PGR: variants seen among roughly 807,000 people sequenced by gnomAD.
PGR encodes the protein nuclear receptor subfamily 3 group C member 3.
PGR carries 25 observed loss-of-function variants against 76.1 expected under a neutral mutation model. The ratio of observed to expected loss-of-function variants is 0.33; its 90% CI spans 0.24 to 0.46. The LOEUF is 0.46. PGR is among the 20% of genes least tolerant of loss of function. The probability of loss-of-function intolerance (pLI) is 1.00; values close to 1 mark genes in which losing one functional copy is unlikely to be tolerated. For missense variants in PGR, 1,172 were observed against 1,225.3 expected, an observed-to-expected ratio of 0.96 and a Z score of 0.65; for synonymous variants, 579 against 535.0, an observed-to-expected ratio of 1.08 and a Z score of -1.14.
At chr11:101,050,158 T>C in intron 5 of PGR, 99 bp from the exon 6 acceptor site, 1 of 1,165,746 alleles carries the variant, frequency 8.6e-7, no homozygotes, top group Non-Finnish European at 1.2e-6. Flanking sequence ...TTTTGGTAAT[T>C]ACCTTACATA....
Position 101,128,234 on chromosome 11 carries a change from C to T in PGR, c.837G>A (p.Arg279=). 1 of 1,596,860 alleles carries T rather than the reference C, an allele frequency of 6.3e-7. No individual in the cohort carries two copies. The highest frequency in any genetic ancestry group is 8.5e-7 in the Non-Finnish European group (1 of 1,178,536). Residue 279 remains arginine (R), a synonymous_variant, in exon 1 of 8, where the codon AGG becomes AGA. Coordinates refer to ENST00000325455, the MANE Select transcript of PGR (RefSeq NM_000926.4). ...PKEDSRFSAP[R]VALVEQDAPM... is the part of the protein sequence containing the mutation. ...GCGCGTCCTGCTCCACCAGGGCGAC[C>T]CTGGGCGCTGAGAAGCGGGAATCTT...
Position 101,039,878 on chromosome 11 carries a change from C to G in PGR, c.2647-607G>C, listed in dbSNP as rs374331771. Among the ~76,000 whole-genome samples the G allele has an allele frequency of 6.6e-5, 10 of 152,050 alleles. No homozygotes were observed. In the South Asian group the frequency reaches 2.1e-3, roughly 32 times the overall value. On this transcript the variant is annotated intron_variant, in intron 7 of 7. Coordinates refer to ENST00000325455, the MANE Select transcript of PGR (RefSeq NM_000926.4). ...CACAACTACCTTCAACTTTTTGTAG[C>G]CTGTGTCTTTTGATATTTCTATATT...
chr11:101,099,515 T>C (rs945117202), intron 2 of PGR, among the ~76,000 whole-genome samples: 1 of 152,130 alleles, frequency 6.6e-6, no homozygotes, highest in Non-Finnish European at 1.5e-5. Context: ...TCTACATCTT[T>C]GAGTGCTTTT....
intron 2 of PGR, among the ~76,000 whole-genome samples, chr11:101,112,823 T>G (rs1454943548): frequency 6.6e-6 from 1 of 152,188 alleles, no homozygotes; most frequent in Non-Finnish European, 1.5e-5. Flanking sequence ...AGATAATGAA[T>G]AAGAGGTAAT....
rs548903321 is a variant in PGR at position 101,031,356 on chromosome 11, T to A, written c.*7760A>T. 5.4e-5 allele frequency: 12 copies of A among 223,408 alleles called. 1 individual carries two copies. In the East Asian group the frequency reaches 7.8e-4, roughly 15 times the overall value. The allele number at this position is 223,408 out of a possible 1,614,324, so 13.8% of individuals were successfully genotyped here. A position where few individuals can be genotyped will look rare whatever the true frequency, so the allele number is the denominator to read the frequency against. ...AGAAACCTCCTTCCCACAGCTACCA[T>A]GTACATACAGTAAGCTTCTGCCTTC... On this transcript the variant is annotated 3_prime_UTR_variant, in exon 8 of 8. Transcript: ENST00000325455.
At chr11:101,098,039 G>C (rs1336561045) in intron 2 of PGR, among the ~76,000 whole-genome samples, 7 of 152,064 alleles carry the variant, frequency 4.6e-5, no homozygotes, top group Non-Finnish European at 2.9e-5. Context: ...GCCTCCTGAA[G>C]TGCTGAGATT....
Position 101,089,936 on chromosome 11 carries a change from C to T in PGR, c.1906+1824G>A, listed in dbSNP as rs1048663347. Among the ~76,000 whole-genome samples the T allele has an allele frequency of 9.9e-5, 15 of 152,144 alleles. No homozygotes were observed. The East Asian group carries it at 2.1e-3, about 22-fold the overall frequency. ...GCTAAAGGCCGGGTGCAGTGGCTCA[C>T]GCCTGTAATCCCAGCACTTTAGAAG... On this transcript the variant is annotated intron_variant, in intron 3 of 7. Transcript: ENST00000325455.
At chr11:101,054,413 T>C (rs1245770499) in intron 4 of PGR, among the ~76,000 whole-genome samples, 1 of 152,182 alleles carries the variant, frequency 6.6e-6, no homozygotes, top group African/African-American at 2.4e-5. Context: ...GTCTACATAA[T>C]AACTTTTTAA....
In PGR at chr11:101,035,482, T is replaced by G. The variant is rs1429548903; in HGVS notation, c.*3634A>C. The G allele has an allele frequency of 8.6e-6, 2 of 231,860 alleles. No individual in the cohort carries two copies. 14.4% of individuals were successfully genotyped at this position (231,860 alleles called of 1,614,324 possible). Reference sequence around the variant, plus strand: ...GTGGGCATTTTATATCATAACCTTCTTAGGGATAGGGATGTTTTTTGGGTT... The same window carrying G: ...GTGGGCATTTTATATCATAACCTTCGTAGGGATAGGGATGTTTTTTGGGTT... On this transcript the variant is annotated 3_prime_UTR_variant, in exon 8 of 8. Coordinates refer to ENST00000325455, the MANE Select transcript of PGR (RefSeq NM_000926.4).
chr11:101,070,396 G>C (rs535622997), intron 3 of PGR, among the ~76,000 whole-genome samples: 142 of 152,298 alleles, frequency 9.3e-4, no homozygotes, highest in Non-Finnish European at 1.7e-3. Flanking sequence ...AAACTGGGCA[G>C]CCATTTGGGC....
At chr11:101,114,382 G>A (rs1862437005) in intron 2 of PGR, among the ~76,000 whole-genome samples, 4 of 152,184 alleles carry the variant, frequency 2.6e-5, no homozygotes, top group Admixed American at 2.6e-4. Context: ...ACGACTAAAT[G>A]AAGTGACAAA....
At chr11:101,071,183 G>C (rs1290062713) in intron 3 of PGR, among the ~76,000 whole-genome samples, 6 of 152,160 alleles carry the variant, frequency 3.9e-5, no homozygotes, top group Admixed American at 3.9e-4. Context: ...CAGGCAAACA[G>C]GGTCTGGAGT....
intron 4 of PGR, among the ~76,000 whole-genome samples, chr11:101,059,248 G>A (rs1432032067): frequency 6.6e-6 from 1 of 151,884 alleles, no homozygotes; most frequent in African/African-American, 2.4e-5. Flanking sequence ...AGCCAAAAAT[G>A]TTCTTCTGTC....
At chr11:101,084,189 G>C (rs991034035) in intron 3 of PGR, among the ~76,000 whole-genome samples, 4 of 152,216 alleles carry the variant, frequency 2.6e-5, no homozygotes, top group South Asian at 2.1e-4. Flanking sequence ...AGATATTCTT[G>C]CTTCCCCTTC....
rs1294346128 is a variant in PGR at position 101,050,069 on chromosome 11, C to T, written c.2358-10G>A. The T allele has an allele frequency of 2.5e-6, 4 of 1,611,562 alleles. No homozygotes were observed. The highest frequency in any genetic ancestry group is 3.4e-6 in the Non-Finnish European group (4 of 1,178,696). On this transcript the variant is annotated splice_polypyrimidine_tract_variant and intron_variant, in intron 5 of 7. Coordinates refer to ENST00000325455, the MANE Select transcript of PGR (RefSeq NM_000926.4). Reference sequence around the variant, plus strand: ...TTCTTTCATCCGCTGTCTTGCATCACACACAATACACAAAAGAAAAAGCAA... The same window carrying T: ...TTCTTTCATCCGCTGTCTTGCATCATACACAATACACAAAAGAAAAAGCAA...
chr11:101,100,228 A>G (rs139192319), intron 2 of PGR, among the ~76,000 whole-genome samples: 1 of 152,222 alleles, frequency 6.6e-6, no homozygotes, highest in Non-Finnish European at 1.5e-5. Flanking sequence ...CAGTGTGATC[A>G]ATCAGTGAAT....
chr11:101,101,245 G>C (rs939629872), intron 2 of PGR, among the ~76,000 whole-genome samples: 4 of 151,860 alleles, frequency 2.6e-5, no homozygotes, highest in Non-Finnish European at 5.9e-5. Flanking sequence ...AAAACACATT[G>C]AATATATATT....
intron 2 of PGR, among the ~76,000 whole-genome samples, chr11:101,101,803 GT>G (rs1591415349): frequency 6.6e-6 from 1 of 152,284 alleles, no homozygotes; most frequent in Non-Finnish European, 1.5e-5. Flanking sequence ...TGGGTTTGCT[GT>G]TTTTTAAATG....
chr11:101,064,119 T>C (rs998139885), intron 3 of PGR: 1 of 151,600 alleles, frequency 6.6e-6, no homozygotes, highest in African/African-American at 2.4e-5. Flanking sequence ...TTACCTGAGG[T>C]CAGAAGTTCG....
Sources: gnomAD v4.1 joint callset for allele counts (sites outside exome capture counted in the v4.1 genomes callset) on GRCh38, gnomAD v4.1.1 for gene constraint, MANE v1.5 for transcripts, NCBI Gene and HGNC (gene_info 2026-07-23, HGNC 2026-07-21) for gene names.